The following RB1 variants were observed in gnomAD, a reference collection of about 807,000 sequenced individuals.
RB1 encodes RB transcriptional corepressor 1, also known as retinoblastoma-associated protein.
In RB1, 18 loss-of-function variants were observed where a neutral mutation model predicts 135.4. The observed-to-expected ratio is 0.13, with a 90% CI of 0.09 to 0.20. The LOEUF is 0.20. Among genes scored for constraint, RB1 ranks in the 10% least tolerant of loss-of-function variants. RB1 has a pLI of 1.00. For missense variants in RB1, 868 were observed against 1,110.0 expected, an observed-to-expected ratio of 0.78 and a Z score of 3.10; for synonymous variants, 365 against 373.2, an observed-to-expected ratio of 0.98 and a Z score of 0.25.
At chr13:48,399,734 C>G (rs979042235) in intron 17 of RB1, among the ~76,000 whole-genome samples, 3 of 151,950 alleles carry the variant, frequency 2.0e-5, no homozygotes, top group African/African-American at 4.8e-5. Context: ...TCATCCAGAT[C>G]TGTTTATGAT....
intron 6 of RB1, among the ~76,000 whole-genome samples, chr13:48,357,795 A>C (rs77275565): frequency 9.1e-4 from 138 of 152,222 alleles, no homozygotes; most frequent in Middle Eastern, 3.4e-3. Context: ...GATCAGGAGA[A>C]GCTTCAATAT....
At chr13:48,365,064 T>C (rs1952681760) in intron 9 of RB1, 93 bp downstream of exon 9, 3 of 1,423,662 alleles carry the variant, frequency 2.1e-6, no homozygotes, top group Admixed American at 2.7e-5. Flanking sequence ...TTACTGTGTA[T>C]CACATTTTTT....
chr13:48,425,161 G>C (rs1199600375), intron 17 of RB1, among the ~76,000 whole-genome samples: 1 of 152,178 alleles, frequency 6.6e-6, no homozygotes, highest in Non-Finnish European at 1.5e-5. Flanking sequence ...ATTTAGTAAA[G>C]AGCTTCTTGA....
At chr13:48,350,004 T>C (rs1424875963) in intron 6 of RB1, among the ~76,000 whole-genome samples, 3 of 152,132 alleles carry the variant, frequency 2.0e-5, no homozygotes, top group African/African-American at 7.2e-5. Flanking sequence ...GTGTTAAATA[T>C]TTATGCAACT....
intron 17 of RB1, among the ~76,000 whole-genome samples, chr13:48,383,326 T>C (rs751775667): frequency 2.0e-5 from 3 of 152,170 alleles, no homozygotes; most frequent in Non-Finnish European, 4.4e-5. Flanking sequence ...ATAAGGCTTT[T>C]GTTTTAATAA....
intron 8 of RB1, among the ~76,000 whole-genome samples, chr13:48,364,225 G>A (rs1952671091): frequency 6.6e-6 from 1 of 152,004 alleles, no homozygotes; most frequent in Non-Finnish European, 1.5e-5. Context: ...AAAATTTGTA[G>A]CAAACCGTGT....
At chr13:48,357,755 A>G (rs1226496528) in intron 6 of RB1, among the ~76,000 whole-genome samples, 2 of 152,094 alleles carry the variant, frequency 1.3e-5, no homozygotes, top group African/African-American at 4.8e-5. Context: ...ACTAAAGGTC[A>G]TGGTTGTGCA....
At chr13:48,405,936 A>G (rs1178560852) in intron 17 of RB1, among the ~76,000 whole-genome samples, 2 of 152,108 alleles carry the variant, frequency 1.3e-5, no homozygotes, top group African/African-American at 4.8e-5. Context: ...TACCTTCTTG[A>G]AGTCATTCCA....
intron 17 of RB1, among the ~76,000 whole-genome samples, chr13:48,407,688 T>C (rs1307977354): frequency 6.6e-6 from 1 of 152,232 alleles, no homozygotes; most frequent in African/African-American, 2.4e-5. Flanking sequence ...ATTAGTCCTT[T>C]TTAATTTGTA....
intron 2 of RB1, among the ~76,000 whole-genome samples, chr13:48,328,898 A>C (rs1952310741): frequency 6.6e-6 from 1 of 152,198 alleles, no homozygotes; most frequent in Non-Finnish European, 1.5e-5. Context: ...TTCTATATAA[A>C]TATAATATAG....
intron 12 of RB1, among the ~76,000 whole-genome samples, chr13:48,376,097 A>G (rs1348246546): frequency 6.6e-6 from 1 of 152,158 alleles, no homozygotes; most frequent in Non-Finnish European, 1.5e-5. Context: ...GCCCCACTCC[A>G]AATGATACAT....
rs587778871 is a variant in RB1 at position 48,456,354 on chromosome 13, G to A, written c.1960+5G>A. ...TTTCACTGTTTTATAAAAAAGGTTA[G>A]TAGATGATTATTTTCAAGAGCATGG... On this transcript the variant is annotated splice_donor_5th_base_variant and intron_variant, in intron 19 of 26. Coordinates refer to ENST00000267163, the MANE Select transcript of RB1 (RefSeq NM_000321.3). The A allele has an allele frequency of 1.2e-6, 2 of 1,613,940 alleles. No homozygotes were observed. Among genetic ancestry groups the A allele is most frequent in the Non-Finnish European group, 1.7e-6 (2 of 1,179,878 alleles).
chr13:48,364,416 G>A (rs1392520024), intron 8 of RB1, among the ~76,000 whole-genome samples: 1 of 152,112 alleles, frequency 6.6e-6, no homozygotes, highest in Non-Finnish European at 1.5e-5. Context: ...TACTGTAAAT[G>A]TATTTTGTCT....
intron 18 of RB1, among the ~76,000 whole-genome samples, chr13:48,453,619 G>A (rs1949342423): frequency 6.6e-6 from 1 of 152,166 alleles, no homozygotes; most frequent in Non-Finnish European, 1.5e-5. Context: ...TCTGAAACAG[G>A]TCTCAATCAA....
rs2138026432 is a variant in RB1 at position 48,303,817 on chromosome 13, G to T, written c.-96G>T. On this transcript the variant is annotated 5_prime_UTR_variant, in exon 1 of 27. Coordinates refer to ENST00000267163, the MANE Select transcript of RB1 (RefSeq NM_000321.3). ...GACGTTGAAATTATTTTTGTAACGGGAGTCGGGAGAGGACGGGGCGTGCCC... is the reference window on the plus strand; with the variant it reads ...GACGTTGAAATTATTTTTGTAACGGTAGTCGGGAGAGGACGGGGCGTGCCC... The T allele has an allele frequency of 6.9e-7, 1 of 1,453,246 alleles. No homozygotes were observed. The highest frequency in any genetic ancestry group is 9.1e-7 in the Non-Finnish European group (1 of 1,102,990). The allele number at this position is 1,453,246 out of a possible 1,614,324, so 90.0% of individuals were successfully genotyped here.
intron 9 of RB1, among the ~76,000 whole-genome samples, chr13:48,365,383 T>C (rs980565448): frequency 1.3e-5 from 2 of 152,214 alleles, no homozygotes; most frequent in South Asian, 2.1e-4. Context: ...AACATCTCTT[T>C]TGAGGATTTT....
intron 25 of RB1, 26 bp from the exon 26 acceptor site, chr13:48,477,329 A>G (rs772993190): frequency 1.3e-6 from 2 of 1,572,078 alleles, no homozygotes; most frequent in South Asian, 2.2e-5. Context: ...TACACATGAA[A>G]TGTTTTGCAT....
chr13:48,458,955 T>C (rs930586300), intron 19 of RB1, among the ~76,000 whole-genome samples: 20 of 152,194 alleles, frequency 1.3e-4, no homozygotes, highest in African/African-American at 4.8e-4. Flanking sequence ...TTTTTTAGGA[T>C]TGGAAAAATT....
intron 17 of RB1, among the ~76,000 whole-genome samples, chr13:48,398,885 T>A (rs1456683206): frequency 6.6e-6 from 1 of 152,134 alleles, no homozygotes; most frequent in East Asian, 1.9e-4. Context: ...GCCTAGGAGC[T>A]AATAAGTAAC....
Sources: allele counts gnomAD v4.1 joint callset (sites outside exome capture counted in the v4.1 genomes callset), GRCh38; gene constraint gnomAD v4.1.1; transcripts MANE v1.5; gene names NCBI Gene and HGNC (gene_info 2026-07-23, HGNC 2026-07-21).